MITF: variants seen among roughly 807,000 people sequenced by gnomAD.
MITF encodes the protein melanocyte inducing transcription factor, also known as microphthalmia-associated transcription factor.
A neutral mutation model predicts 60.5 loss-of-function variants in MITF; 17 were observed. The observed-to-expected ratio is 0.28, with a 90% CI of 0.19 to 0.42. MITF has a LOEUF of 0.42. Among genes scored for constraint, MITF ranks in the 10% least tolerant of loss-of-function variants. The probability of loss-of-function intolerance (pLI) is 1.00; values close to 1 mark genes in which losing one functional copy is unlikely to be tolerated. For synonymous variants in MITF, 260 were observed against 248.5 expected (o/e 1.05, Z -0.43); for missense variants, 622 against 683.5 (o/e 0.91, Z 1.00).
At chr3:69,739,821 C>T in intron 1 of MITF, 120 bp downstream of exon 1, 1 of 736,960 alleles carries the variant, frequency 1.4e-6, no homozygotes, top group Admixed American at 2.2e-5. Flanking sequence ...GCCCTTGCCC[C>T]GGAGCAGAGG....
At chr3:69,747,859 T>G (rs1703786873) in intron 1 of MITF, among the ~76,000 whole-genome samples, 1 of 152,198 alleles carries the variant, frequency 6.6e-6, no homozygotes, top group East Asian at 1.9e-4. Context: ...CCATAGTTTT[T>G]GGGGCTGGAT....
chr3:69,815,424 C>T (rs950148900), intron 1 of MITF, among the ~76,000 whole-genome samples: 5 of 152,174 alleles, frequency 3.3e-5, no homozygotes, highest in Admixed American at 2.6e-4. Context: ...TCCCCCTCAG[C>T]CTACTCAACA....
intron 7 of MITF, among the ~76,000 whole-genome samples, chr3:69,955,259 A>C (rs1056198858): frequency 1.3e-5 from 2 of 152,232 alleles, no homozygotes; most frequent in African/African-American, 4.8e-5. Context: ...CCTGGATTCC[A>C]AAAACTTAGA....
intron 5 of MITF, among the ~76,000 whole-genome samples, chr3:69,948,822 T>A (rs943860486): frequency 2.0e-5 from 3 of 152,178 alleles, no homozygotes; most frequent in Non-Finnish European, 2.9e-5. Context: ...TTTATGGGTG[T>A]GAGACTGTAC....
Position 69,965,814 on chromosome 3 carries a change from G to GAAA in MITF, c.*574_*576dup, listed in dbSNP as rs59665466. On this transcript the variant is annotated 3_prime_UTR_variant, in exon 10 of 10. Coordinates refer to ENST00000352241, the MANE Select transcript of MITF (RefSeq NM_001354604.2). ...TTAAAGAAATATGTATTCTGTAAAA[G>GAAA]AAAAAAAAAATGCGGCCTTTTCATG... 454 of 220,386 alleles carry GAAA rather than the reference G, an allele frequency of 2.1e-3. 1 individual carries two copies. The highest frequency in any genetic ancestry group is 0.017 in the South Asian group (94 of 5,376). The allele number at this position is 220,386 out of a possible 1,614,324, so 13.7% of individuals were successfully genotyped here. A position where few individuals can be genotyped will look rare whatever the true frequency, so the allele number is the denominator to read the frequency against.
At position 69,965,371 on chromosome 3, in the gene MITF, A is replaced by G. The variant is rs1452493952; in HGVS notation, c.*123A>G. On this transcript the variant is annotated 3_prime_UTR_variant, in exon 10 of 10. Coordinates refer to ENST00000352241, the MANE Select transcript of MITF (RefSeq NM_001354604.2). The stretch of plus-strand genomic sequence containing the variant: ...AATATGAAATTTTTTTTCATGCTTT[A>G]TCAATAGCCCAGGATATATTTTATT... 7.3e-6 allele frequency: 7 copies of G among 962,458 alleles called. No homozygotes were observed. Among genetic ancestry groups the G allele is most frequent in the Admixed American group, 2.3e-5 (1 of 43,230 alleles). The allele number at this position is 962,458 out of a possible 1,614,324, so 59.6% of individuals were successfully genotyped here. A position where few individuals can be genotyped will look rare whatever the true frequency, so the allele number is the denominator to read the frequency against.
At chr3:69,893,251 C>G (rs112148153) in intron 2 of MITF, among the ~76,000 whole-genome samples, 1 of 152,244 alleles carries the variant, frequency 6.6e-6, no homozygotes, top group African/African-American at 2.4e-5. Flanking sequence ...ACCTTGTTTC[C>G]TAGACCTACT....
rs76748440 is a variant in MITF, at chr3:69,945,386, C to T, written c.763-3665C>T. 4.2e-3 allele frequency among the ~76,000 whole-genome samples: 642 copies of T among 152,150 alleles called. 7 individuals carry two copies. Among genetic ancestry groups the T allele is most frequent in the African/African-American group, 0.015 (617 of 41,496 alleles). On this transcript the variant is annotated intron_variant, in intron 5 of 9. Transcript: ENST00000352241. ...GAAATCTTGTCATTTAGGTAAATGG[C>T]CTGGATAAAAATCCCACAAAGATGT...
At chr3:69,780,529 A>G (rs1021637833) in intron 1 of MITF, among the ~76,000 whole-genome samples, 3 of 152,180 alleles carry the variant, frequency 2.0e-5, no homozygotes, top group African/African-American at 7.2e-5. Context: ...TAGTTCTGAT[A>G]ATTGACTGGG....
chr3:69,752,397 A>G (rs1276291201), intron 1 of MITF: 3 of 152,212 alleles, frequency 2.0e-5, no homozygotes, highest in African/African-American at 7.2e-5. Flanking sequence ...TGGTAATGAT[A>G]TGGACAGCGA....
rs1283601717 is a variant in MITF, at chr3:69,937,808, A to G, written c.355-14A>G. 4 of 1,611,214 alleles carry G rather than the reference A, an allele frequency of 2.5e-6. No individual in the cohort carries two copies. The highest frequency in any genetic ancestry group is 2.2e-5 in the East Asian group (1 of 44,788). ...AACAGCGCTGTTTTCTTTTCCCTCC[A>G]TGGCTATGTTCAGGTGCAGACCCAC... On this transcript the variant is annotated splice_polypyrimidine_tract_variant and intron_variant, in intron 2 of 9. Coordinates refer to ENST00000352241, the MANE Select transcript of MITF (RefSeq NM_001354604.2).
rs1036198971 is a variant in MITF at position 69,967,211 on chromosome 3, G to C, written c.*1963G>C. On this transcript the variant is annotated 3_prime_UTR_variant, in exon 10 of 10. Transcript: ENST00000352241. ...GGCAATGAGAATCCTTGGAAACATT[G>C]GTGATGCTATCAGTTTTATAGCTTT... 4 of 232,166 alleles carry C rather than the reference G, an allele frequency of 1.7e-5. No individual in the cohort carries two copies. Among genetic ancestry groups the C allele is most frequent in the Admixed American group, 1.7e-4 (3 of 17,728 alleles). 14.4% of individuals were successfully genotyped at this position (232,166 alleles called of 1,614,324 possible).
chr3:69,887,627 C>T (rs568588795), intron 2 of MITF, among the ~76,000 whole-genome samples: 5 of 151,858 alleles, frequency 3.3e-5, no homozygotes, highest in Non-Finnish European at 7.4e-5. Context: ...TCAGGTAAAG[C>T]AGGGGGCTGT....
chr3:69,782,077 G>C (rs2062574483), intron 1 of MITF, among the ~76,000 whole-genome samples: 1 of 152,208 alleles, frequency 6.6e-6, no homozygotes, highest in South Asian at 2.1e-4. Flanking sequence ...ACTGCAGAGA[G>C]CATGCTCAGA....
intron 1 of MITF, among the ~76,000 whole-genome samples, chr3:69,770,440 A>G (rs2062375957): frequency 6.6e-6 from 1 of 152,164 alleles, no homozygotes; most frequent in African/African-American, 2.4e-5. Context: ...TCCAAGTAGG[A>G]AAATAAACAC....
At chr3:69,841,128 A>C (rs2063629584) in intron 1 of MITF, among the ~76,000 whole-genome samples, 1 of 152,212 alleles carries the variant, frequency 6.6e-6, no homozygotes, top group African/African-American at 2.4e-5. Context: ...AATGACAGAC[A>C]TATTTCACCT....
chr3:69,895,035 C>T (rs1336063904), intron 2 of MITF, among the ~76,000 whole-genome samples: 1 of 150,756 alleles, frequency 6.6e-6, no homozygotes, highest in African/African-American at 2.4e-5. Flanking sequence ...GTCTCCCCAT[C>T]TGAGTCGTCT....
chr3:69,936,745 A>T, intron 2 of MITF: 1 of 1,613,580 alleles, frequency 6.2e-7, no homozygotes, highest in Non-Finnish European at 8.5e-7. Context: ...CTAGAATATA[A>T]TCACTATCAG....
chr3:69,782,350 C>G (rs1335594869), intron 1 of MITF, among the ~76,000 whole-genome samples: 1 of 152,198 alleles, frequency 6.6e-6, no homozygotes, highest in Non-Finnish European at 1.5e-5. Flanking sequence ...TACCCATACA[C>G]CTGACCCTTA....
Sources: gnomAD v4.1 joint callset for allele counts (sites outside exome capture counted in the v4.1 genomes callset) on GRCh38, gnomAD v4.1.1 for gene constraint, MANE v1.5 for transcripts, NCBI Gene and HGNC (gene_info 2026-07-23, HGNC 2026-07-21) for gene names.